The following ITGA7 variants were observed in gnomAD, a reference collection of about 807,000 sequenced individuals.
ITGA7 encodes integrin alpha-7.
Under a neutral mutation model 131.6 loss-of-function variants are expected in ITGA7, and 84 were observed. The observed-to-expected ratio is 0.64, with a 90% CI of 0.54 to 0.77. The LOEUF (loss-of-function observed/expected upper bound fraction) is 0.77. Ranked by LOEUF, ITGA7 falls within the 30% of genes least tolerant of loss-of-function variation. The pLI is 0.00. For synonymous variants in ITGA7, 548 were observed against 600.7 expected (o/e 0.91, Z 1.28); for missense variants, 1,399 against 1,482.9 (o/e 0.94, Z 0.93).
rs1345592823 is a variant in ITGA7 at position 55,688,110 on chromosome 12, G to A, written c.3058-14C>T. On this transcript the variant is annotated splice_polypyrimidine_tract_variant and intron_variant, in intron 23 of 24. Transcript: ENST00000257879. Reference sequence around the variant, plus strand: ...CATCACTGGGATCTGGGGAGCAAGGGGTCAATGGAGCAAGAGGTCAATGGA... The same window carrying A: ...CATCACTGGGATCTGGGGAGCAAGGAGTCAATGGAGCAAGAGGTCAATGGA... 2.5e-6 allele frequency: 4 copies of A among 1,613,978 alleles called. No homozygotes were observed. Among genetic ancestry groups the A allele is most frequent in the African/African-American group, 1.3e-5 (1 of 74,880 alleles).
intron 14 of ITGA7, chr12:55,695,280 G>C (rs2136006725): frequency 1.7e-6 from 1 of 598,800 alleles, no homozygotes; most frequent in Middle Eastern, 4.5e-4. Flanking sequence ...TAACCAATGA[G>C]ATGTATGTAG....
chr12:55,687,879 T>G (rs1282831414), intron 24 of ITGA7, 92 bp downstream of exon 24: 3 of 1,548,526 alleles, frequency 1.9e-6, no homozygotes, highest in Middle Eastern at 4.4e-4. Flanking sequence ...GCTGAATACA[T>G]GAGTGTGTGG....
At chr12:55,700,499 A>C in intron 4 of ITGA7, 1 of 1,367,644 alleles carries the variant, frequency 7.3e-7, no homozygotes, top group Non-Finnish European at 1.0e-6. Context: ...TCTTCTTTCT[A>C]GCCCTCTCCC....
At chr12:55,687,678 T>C (rs907489807) in intron 24 of ITGA7, among the ~76,000 whole-genome samples, 5 of 150,636 alleles carry the variant, frequency 3.3e-5, no homozygotes, top group Non-Finnish European at 5.9e-5. Flanking sequence ...TAAGTAGAGA[T>C]GGGGTTTCAC....
intron 3 of ITGA7, 74 bp downstream of exon 3, chr12:55,702,798 G>T: frequency 8.0e-7 from 1 of 1,246,712 alleles, no homozygotes; most frequent in Non-Finnish European, 1.2e-6. Flanking sequence ...GCACACCTAT[G>T]CGTATGCACA....
At position 55,699,911 on chromosome 12, in the gene ITGA7, A is replaced by G. The variant is rs745643735; in HGVS notation, c.749T>C (p.Leu250Pro). 2 of 1,613,520 alleles carry G rather than the reference A, an allele frequency of 1.2e-6. No homozygotes were observed. The highest frequency in any genetic ancestry group is 8.5e-7 in the Non-Finnish European group (1 of 1,179,832). ...VYKTLDPADR[L>P]PGPAGDLALN... is the part of the protein sequence containing the mutation. ...GGCCAAGTCTCCGGCTGGTCCTGGGAGCCGGTCAGCAGGGTCCAAAGTTTT... is the reference window on the plus strand; with the variant it reads ...GGCCAAGTCTCCGGCTGGTCCTGGGGGCCGGTCAGCAGGGTCCAAAGTTTT... Residue 250 changes from leucine (L) to proline (P), a missense_variant, in exon 5 of 25, where the codon CTC (leucine) becomes CCC (proline). Physicochemically the swap from Leu to Pro is moderately conservative, Grantham distance 98. Transcript: ENST00000257879.
At chr12:55,712,345 C>A, upstream of ITGA7, 1 of 977,558 alleles carries the variant, frequency 1.0e-6, no homozygotes, top group Middle Eastern at 3.0e-4. Context: ...ACACCACCAC[C>A]AACCCCCTCT....
At chr12:55,705,313 C>A (rs1002686325) in intron 1 of ITGA7, among the ~76,000 whole-genome samples, 1 of 151,706 alleles carries the variant, frequency 6.6e-6, no homozygotes, top group South Asian at 2.1e-4. Flanking sequence ...TCATGCCATA[C>A]GCCCTAACCA....
chr12:55,716,068 G>A (rs545542768), upstream of ITGA7: 2 of 1,566,796 alleles, frequency 1.3e-6, no homozygotes, highest in Middle Eastern at 1.7e-4. Flanking sequence ...CCGGGGAGCC[G>A]AGGTGAGCGT....
chr12:55,687,653 G>C lies in ITGA7; in HGVS notation c.3183+318C>G, dbSNP rs1045035492. ...CTACAGGTGCGTGCCACCACGCCCA[G>C]CTAATTTTGTATTTTAAGTAGAGAT... On this transcript the variant is annotated intron_variant, in intron 24 of 24. Transcript: ENST00000257879. 7.6e-4 allele frequency among the ~76,000 whole-genome samples: 116 copies of C among 151,822 alleles called. 1 individual carries two copies. Among genetic ancestry groups the C allele is most frequent in the Middle Eastern group, 3.4e-3 (1 of 292 alleles).
At chr12:55,703,852 C>G (rs899374394) in intron 1 of ITGA7, among the ~76,000 whole-genome samples, 2 of 152,210 alleles carry the variant, frequency 1.3e-5, no homozygotes, top group African/African-American at 4.8e-5. Context: ...TCCCGACATC[C>G]TGAATCCCCT....
rs117488030 is a variant in ITGA7 at position 55,692,808 on chromosome 12, G to A, written c.2844+36C>T. Reference sequence around the variant, plus strand: ...ACCCTTCCTGGACACGCAGCACCCCGGAGCTCTGGCTGCACCGAGTCTGGC... The same window carrying A: ...ACCCTTCCTGGACACGCAGCACCCCAGAGCTCTGGCTGCACCGAGTCTGGC... On this transcript the variant is annotated intron_variant, in intron 21 of 24. Coordinates refer to ENST00000257879, the MANE Select transcript of ITGA7 (RefSeq NM_002206.3). The A allele has an allele frequency of 3.0e-3, 4,802 of 1,579,700 alleles. 24 individuals carry two copies. Among genetic ancestry groups the A allele is most frequent in the Admixed American group, 0.012 (629 of 54,548 alleles).
rs1474512248 is a variant in ITGA7, at chr12:55,697,502, GGAGCAATA to G, written c.1446_1453del (p.Ile483ThrfsTer34). 13 of 1,613,984 alleles carry G rather than the reference GGAGCAATA, an allele frequency of 8.1e-6. No homozygotes were observed. The highest frequency in any genetic ancestry group is 1.1e-5 in the Non-Finnish European group (13 of 1,180,036). On this transcript the variant is annotated frameshift_variant, in exon 10 of 25. Coordinates refer to ENST00000257879, the MANE Select transcript of ITGA7 (RefSeq NM_002206.3). LOFTEE classifies it high-confidence loss of function. The stretch of plus-strand genomic sequence containing the variant: ...GGGCTGCTCCAGGTCGATGCTTCGT[GGAGCAATA>G]GAGACCTCATGGGAGACATGGAGGA...
At chr12:55,707,242 C>T (rs888635866) in intron 1 of ITGA7, among the ~76,000 whole-genome samples, 4 of 152,212 alleles carry the variant, frequency 2.6e-5, no homozygotes, top group African/African-American at 9.6e-5. Flanking sequence ...GCTGCCAAGA[C>T]AAGAACCTTG....
At position 55,688,947 on chromosome 12, in the gene ITGA7, CG is replaced by C; in HGVS notation, c.2854del (p.Arg952GlyfsTer40). The C allele has an allele frequency of 6.2e-7, 1 of 1,613,710 alleles. No individual in the cohort carries two copies. ...KKKNITLDCA[R>X]GTANCVVFSC... is the part of the protein sequence containing the mutation. The stretch of plus-strand genomic sequence containing the variant: ...GAACACCACACAGTTGGCCGTGCCC[CG>C]GGCGCAGTCCTAGGGATAAGGACAG... On this transcript the variant is annotated frameshift_variant, in exon 22 of 25. Coordinates refer to ENST00000257879, the MANE Select transcript of ITGA7 (RefSeq NM_002206.3). LOFTEE classifies it high-confidence loss of function.
chr12:55,700,296 G>T, intron 4 of ITGA7: 2 of 1,609,438 alleles, frequency 1.2e-6, no homozygotes, highest in Non-Finnish European at 1.7e-6. Context: ...GGATGAGGCG[G>T]GGGTCCTGCT....
At chr12:55,712,817 C>G (rs1370962354), upstream of ITGA7, among the ~76,000 whole-genome samples, 1 of 152,154 alleles carries the variant, frequency 6.6e-6, no homozygotes, top group Non-Finnish European at 1.5e-5. Context: ...GATACAGATA[C>G]CCCATGTCCT....
At chr12:55,699,597 A>G in intron 5 of ITGA7, 1 of 511,422 alleles carries the variant, frequency 2.0e-6, no homozygotes. Context: ...GTCCTTCCCA[A>G]AATATCCTCA....
chr12:55,703,862 T>G (rs986821517), intron 1 of ITGA7, among the ~76,000 whole-genome samples: 1 of 152,130 alleles, frequency 6.6e-6, no homozygotes, highest in South Asian at 2.1e-4. Context: ...CTGAATCCCC[T>G]TCCCCATCCT....
Sources: allele counts gnomAD v4.1 joint callset (sites outside exome capture counted in the v4.1 genomes callset), GRCh38; gene constraint gnomAD v4.1.1; transcripts MANE v1.5; gene names NCBI Gene and HGNC (gene_info 2026-07-23, HGNC 2026-07-21).